Variants in DLGAP1 observed in about 807,000 individuals in gnomAD.
DLGAP1 encodes DLG associated protein 1, also known as disks large-associated protein 1.
In DLGAP1, 11 loss-of-function variants were observed where a neutral mutation model predicts 90.8. That is an observed-to-expected ratio of 0.12 (90% CI 0.08 to 0.20). The LOEUF (loss-of-function observed/expected upper bound fraction) is 0.20, where lower values mean the gene tolerates loss of function less well. DLGAP1 is among the 10% of genes least tolerant of loss of function. DLGAP1 has a pLI of 1.00. For missense variants in DLGAP1, 1,050 were observed against 1,333.8 expected (o/e 0.79, Z 3.31); for synonymous variants, 558 against 540.7 (o/e 1.03, Z -0.44).
chr18:4,373,359 T>C (rs983111173), intron 1 of DLGAP1, among the ~76,000 whole-genome samples: 3 of 152,094 alleles, frequency 2.0e-5, no homozygotes, highest in Non-Finnish European at 4.4e-5. Flanking sequence ...GTGGAAGCTA[T>C]AAACACTGGG....
At chr18:4,130,274 G>A (rs1464848751) in intron 2 of DLGAP1, among the ~76,000 whole-genome samples, 1 of 152,014 alleles carries the variant, frequency 6.6e-6, no homozygotes, top group Non-Finnish European at 1.5e-5. Context: ...AAATTCCAGA[G>A]GCACTGATGA....
At chr18:4,252,133 G>A (rs542303059) in intron 1 of DLGAP1, among the ~76,000 whole-genome samples, 8 of 152,326 alleles carry the variant, frequency 5.3e-5, no homozygotes, top group Admixed American at 2.0e-4. Context: ...GAGTTGGCCC[G>A]GTGGCTTGGG....
chr18:3,960,256 C>T (rs1461772026), intron 3 of DLGAP1, among the ~76,000 whole-genome samples: 1 of 152,220 alleles, frequency 6.6e-6, no homozygotes, highest in Non-Finnish European at 1.5e-5. Context: ...GCTTCCCCAC[C>T]TTAGGTGCCT....
At chr18:3,950,437 A>T (rs1332258606) in intron 3 of DLGAP1, among the ~76,000 whole-genome samples, 1 of 152,168 alleles carries the variant, frequency 6.6e-6, no homozygotes, top group Non-Finnish European at 1.5e-5. Context: ...CACATATCAC[A>T]CTGAAGTCTG....
intron 9 of DLGAP1, among the ~76,000 whole-genome samples, chr18:3,541,904 TG>T (rs1441552606): frequency 6.7e-6 from 1 of 148,204 alleles, no homozygotes; most frequent in Non-Finnish European, 1.5e-5. Flanking sequence ...GCAATATTGG[TG>T]GAAAAAAAAA....
chr18:3,764,268 C>T (rs1201153352), intron 5 of DLGAP1, among the ~76,000 whole-genome samples: 4 of 152,224 alleles, frequency 2.6e-5, no homozygotes, highest in Non-Finnish European at 4.4e-5. Context: ...TGTACCCTCC[C>T]ATAAGCATGT....
chr18:3,889,033 G>A (rs1280399901), intron 3 of DLGAP1, among the ~76,000 whole-genome samples: 1 of 152,032 alleles, frequency 6.6e-6, no homozygotes, highest in African/African-American at 2.4e-5. Flanking sequence ...TGCTGCAGCA[G>A]GGGGACAGCC....
At chr18:4,316,739 C>T (rs2080537682) in intron 1 of DLGAP1, among the ~76,000 whole-genome samples, 1 of 152,206 alleles carries the variant, frequency 6.6e-6, no homozygotes, top group African/African-American at 2.4e-5. Context: ...ACTTTGTTCT[C>T]ACACTGTACT....
intron 2 of DLGAP1, among the ~76,000 whole-genome samples, chr18:4,069,808 C>G (rs1481572251): frequency 1.3e-5 from 2 of 152,202 alleles, no homozygotes; most frequent in African/African-American, 4.8e-5. Flanking sequence ...GACTAATACA[C>G]TGGCCAATTT....
chr18:4,273,540 T>C (rs888592251), intron 1 of DLGAP1, among the ~76,000 whole-genome samples: 4 of 152,178 alleles, frequency 2.6e-5, no homozygotes, highest in Admixed American at 2.6e-4. Flanking sequence ...ACTCCCGGGC[T>C]CAAGCAATCC....
chr18:4,067,265 C>T (rs2075383603), intron 2 of DLGAP1, among the ~76,000 whole-genome samples: 1 of 151,862 alleles, frequency 6.6e-6, no homozygotes, highest in African/African-American at 2.4e-5. Context: ...ATCCATACAA[C>T]AGACACCCAT....
chr18:3,643,732 G>C (rs927778454), intron 7 of DLGAP1, among the ~76,000 whole-genome samples: 2 of 148,382 alleles, frequency 1.3e-5, no homozygotes, highest in African/African-American at 5.0e-5. Context: ...AAATACAAAT[G>C]ACTCAAATAT....
intron 10 of DLGAP1, among the ~76,000 whole-genome samples, chr18:3,522,110 T>A (rs1381641855): frequency 1.3e-5 from 2 of 150,588 alleles, no homozygotes; most frequent in African/African-American, 4.9e-5. Context: ...TTTTTTTTTT[T>A]ACCCACTTGC....
chr18:3,639,778 A>G (rs747530373), intron 7 of DLGAP1, among the ~76,000 whole-genome samples: 46 of 90,660 alleles, frequency 5.1e-4, no homozygotes, highest in Admixed American at 1.2e-3. Context: ...TTTTTGAGAC[A>G]GAGTCTTGCT....
At chr18:3,543,202 G>A (rs1042507744) in intron 9 of DLGAP1, among the ~76,000 whole-genome samples, 1 of 130,692 alleles carries the variant, frequency 7.7e-6, no homozygotes, top group African/African-American at 3.3e-5. Flanking sequence ...ACGGAGTCTC[G>A]CTTTGTCACC....
chr18:3,551,654 TTGTC>T (rs1568179906), intron 9 of DLGAP1, among the ~76,000 whole-genome samples: 7 of 91,586 alleles, frequency 7.6e-5, no homozygotes, highest in African/African-American at 1.1e-4. Flanking sequence ...CTCTCTCTCT[TTGTC>T]TCTTTCCTTC....
At chr18:3,886,308 T>C (rs1050024462) in intron 3 of DLGAP1, among the ~76,000 whole-genome samples, 1 of 152,200 alleles carries the variant, frequency 6.6e-6, no homozygotes. Context: ...CCTAGTCATG[T>C]ATATATTTCT....
At chr18:4,042,650 G>C (rs192330600) in intron 2 of DLGAP1, among the ~76,000 whole-genome samples, 1 of 152,318 alleles carries the variant, frequency 6.6e-6, no homozygotes, top group East Asian at 1.9e-4. Flanking sequence ...TGAGGCAGGA[G>C]AATTGCTTGA....
chr18:3,908,004 A>G (rs1448389560), intron 3 of DLGAP1, among the ~76,000 whole-genome samples: 1 of 152,226 alleles, frequency 6.6e-6, no homozygotes, highest in Non-Finnish European at 1.5e-5. Context: ...AGTTGTAGAA[A>G]CCAATAAAAA....
Sources: gnomAD v4.1 joint callset for allele counts (sites outside exome capture counted in the v4.1 genomes callset) on GRCh38, gnomAD v4.1.1 for gene constraint, MANE v1.5 for transcripts, NCBI Gene and HGNC (gene_info 2026-07-23, HGNC 2026-07-21) for gene names.